ADCY1: variants seen among roughly 807,000 people sequenced by gnomAD.
ADCY1 encodes adenylate cyclase 1.
Under a neutral mutation model 105.4 loss-of-function variants are expected in ADCY1, and 28 were observed. The observed-to-expected ratio is 0.27, with a 90% confidence interval of 0.20 to 0.36. The LOEUF is 0.36. Among genes scored for constraint, ADCY1 ranks in the 10% least tolerant of loss-of-function variants. ADCY1 has a pLI of 1.00. For synonymous variants in ADCY1, 655 were observed against 623.8 expected (o/e 1.05, Z -0.75); for missense variants, 977 against 1,434.2 (o/e 0.68, Z 5.15).
intron 10 of ADCY1, among the ~76,000 whole-genome samples, chr7:45,678,783 A>G (rs1454527978): frequency 6.6e-6 from 1 of 151,864 alleles, no homozygotes; most frequent in Non-Finnish European, 1.5e-5. Context: ...GCTACTCAGG[A>G]AGCTGAGGCA....
At position 45,599,434 on chromosome 7, in the gene ADCY1, C is replaced by T. The variant is rs190132623; in HGVS notation, c.789+6526C>T. 1.7e-3 allele frequency among the ~76,000 whole-genome samples: 254 copies of T among 150,808 alleles called. 1 individual carries two copies. Among genetic ancestry groups the T allele is most frequent in the African/African-American group, 5.5e-3 (225 of 41,000 alleles). The stretch of plus-strand genomic sequence containing the variant: ...CAGTCACCGCCTTCTGCTTGGTTTT[C>T]GTGGCTTGTGCGTCACAGTTTGCTC... On this transcript the variant is annotated intron_variant, in intron 2 of 19. Transcript: ENST00000297323.
At chr7:45,618,726 C>T (rs767816448) in intron 3 of ADCY1, among the ~76,000 whole-genome samples, 14 of 151,980 alleles carry the variant, frequency 9.2e-5, no homozygotes, top group South Asian at 2.1e-4. Context: ...AATACTGATG[C>T]GGATGCAGAA....
intron 2 of ADCY1, among the ~76,000 whole-genome samples, chr7:45,607,150 T>C (rs1370478462): frequency 6.6e-6 from 1 of 152,234 alleles, no homozygotes; most frequent in East Asian, 1.9e-4. Flanking sequence ...GAGCTAATGC[T>C]GAGCCCTTGG....
At chr7:45,655,888 G>A (rs73320907) in intron 5 of ADCY1, among the ~76,000 whole-genome samples, 12 of 152,106 alleles carry the variant, frequency 7.9e-5, no homozygotes, top group East Asian at 5.8e-4. Flanking sequence ...ACATTTTCCC[G>A]TACTCATTTC....
intron 11 of ADCY1, among the ~76,000 whole-genome samples, chr7:45,681,020 C>G (rs1210807701): frequency 6.6e-6 from 1 of 152,260 alleles, no homozygotes; most frequent in Non-Finnish European, 1.5e-5. Flanking sequence ...GCCTCCCAAG[C>G]CAGGTGGTGA....
At chr7:45,576,274 C>T (rs1158595323) in intron 1 of ADCY1, among the ~76,000 whole-genome samples, 2 of 152,146 alleles carry the variant, frequency 1.3e-5, no homozygotes, top group Non-Finnish European at 2.9e-5. Flanking sequence ...TCCCACAGCC[C>T]GGCCCCGGGG....
intron 14 of ADCY1, among the ~76,000 whole-genome samples, chr7:45,701,953 C>T (rs948516824): frequency 5.9e-5 from 9 of 152,178 alleles, no homozygotes; most frequent in Admixed American, 3.9e-4. Flanking sequence ...GAAGAAACAC[C>T]TGGCGCCGTC....
rs1665961057 is a variant in ADCY1, at chr7:45,686,213, TG to T, written c.2327+1del. 1 of 1,612,740 alleles carries T rather than the reference TG, an allele frequency of 6.2e-7. No individual in the cohort carries two copies. Among genetic ancestry groups the T allele is most frequent in the African/African-American group, 1.3e-5 (1 of 74,908 alleles). ...VLELSGYTRT[G>X]GGAVSGRSYE... The stretch of plus-strand genomic sequence containing the variant: ...TGGAGCTCAGCGGATACACCAGGAC[TG>T]GGTAAGTGTGTGGCTCCTCAAGAAA... On this transcript the variant is annotated frameshift_variant and splice_region_variant, in exon 13 of 20. Coordinates refer to ENST00000297323, the MANE Select transcript of ADCY1 (RefSeq NM_021116.4). LOFTEE classifies it high-confidence loss of function. The surrounding 1 kb of genome is among the most constrained non-coding windows in gnomAD (Gnocchi z 4.3).
At chr7:45,670,398 G>A (rs1784342517) in intron 8 of ADCY1, among the ~76,000 whole-genome samples, 1 of 152,250 alleles carries the variant, frequency 6.6e-6, no homozygotes, top group South Asian at 2.1e-4. Context: ...ACAGGCAGAG[G>A]ATGCTGGGTG....
intron 18 of ADCY1, among the ~76,000 whole-genome samples, chr7:45,709,810 G>A (rs931094368): frequency 6.6e-6 from 1 of 152,208 alleles, no homozygotes; most frequent in Non-Finnish European, 1.5e-5. Context: ...TGCCGAGGAC[G>A]GGCCAGGCGT....
rs995298054 is a variant in ADCY1, at chr7:45,710,580, G to A, written c.2985G>A (p.Gln995=). The A allele has an allele frequency of 2.3e-5, 37 of 1,613,976 alleles. No homozygotes were observed. Among genetic ancestry groups the A allele is most frequent in the Non-Finnish European group, 3.1e-5 (36 of 1,180,016 alleles). ...VAGVIGARRP[Q]YDIWGNTVNV... ...GAGTGATTGGCGCTCGCAGGCCCCA[G>A]TACGACATCTGGGGAAACACAGTCA... The change falls in exon 19 of 20, where the codon CAG becomes CAA. Residue 995 remains glutamine (Q), a synonymous_variant. Transcript: ENST00000297323. This position sits in a 1 kb window ranked among gnomAD's most constrained non-coding sequence, Gnocchi z 4.7.
At chr7:45,592,545 C>T (rs1792952539) in intron 1 of ADCY1, among the ~76,000 whole-genome samples, 1 of 152,200 alleles carries the variant, frequency 6.6e-6, no homozygotes, top group Non-Finnish European at 1.5e-5. Context: ...CCTGGTTACT[C>T]CTCATCCCCT....
intron 1 of ADCY1, among the ~76,000 whole-genome samples, chr7:45,588,895 A>ATG (rs1209503478): frequency 7.7e-6 from 1 of 130,388 alleles, no homozygotes; most frequent in African/African-American, 3.0e-5. Context: ...GTGTGTGTGT[A>ATG]TGTGTGTGTG....
chr7:45,678,096 C>G, intron 9 of ADCY1, 33 bp downstream of exon 9: 1 of 1,613,750 alleles, frequency 6.2e-7, no homozygotes, highest in Non-Finnish European at 8.5e-7. Context: ...TTCCCTGGTG[C>G]TGCTTGCGAA....
chr7:45,664,196 C>A, intron 8 of ADCY1: 2 of 1,156,958 alleles, frequency 1.7e-6, no homozygotes, highest in South Asian at 1.3e-5. Context: ...GGAAGTGCAC[C>A]GTTGGGCCTA....
chr7:45,697,257 A>C (rs1784902257), intron 14 of ADCY1, among the ~76,000 whole-genome samples: 1 of 152,140 alleles, frequency 6.6e-6, no homozygotes, highest in South Asian at 2.1e-4. Flanking sequence ...CTGTCTTCCC[A>C]GCCTCGGTTT....
chr7:45,638,455 C>A (rs1794449660), intron 4 of ADCY1, among the ~76,000 whole-genome samples: 1 of 146,800 alleles, frequency 6.8e-6, no homozygotes, highest in African/African-American at 2.5e-5. Flanking sequence ...CCTGAAAGTT[C>A]AAAATTGGAA....
At chr7:45,610,707 AT>A (rs1562686834) in intron 3 of ADCY1, among the ~76,000 whole-genome samples, 2 of 59,490 alleles carry the variant, frequency 3.4e-5, no homozygotes, top group Non-Finnish European at 6.7e-5. Flanking sequence ...AGTGGAGGTG[AT>A]GGTGGAGGTG....
At chr7:45,656,700 G>A (rs1372982204) in intron 5 of ADCY1, among the ~76,000 whole-genome samples, 1 of 152,218 alleles carries the variant, frequency 6.6e-6, no homozygotes, top group East Asian at 1.9e-4. Flanking sequence ...TTCTCGGGTG[G>A]GTGGCACAGC....
Sources: gnomAD v4.1 joint callset for allele counts (sites outside exome capture counted in the v4.1 genomes callset) on GRCh38, gnomAD v4.1.1 for gene constraint, Gnocchi (gnomAD v3.1) non-coding constraint, MANE v1.5 for transcripts, NCBI Gene and HGNC (gene_info 2026-07-23, HGNC 2026-07-21) for gene names.